Variants in CHD9 observed in about 807,000 individuals in gnomAD.
CHD9 encodes ATP-dependent chromatin remodeler CHD9.
A neutral mutation model predicts 316.1 loss-of-function variants in CHD9; 77 were observed. That is an observed-to-expected ratio of 0.24 (90% CI 0.20 to 0.29). The LOEUF is 0.29. CHD9 is among the 10% of genes least tolerant of loss of function. CHD9 has a pLI of 1.00. For missense variants in CHD9, 2,763 were observed against 3,438.1 expected (o/e 0.80, Z 4.91); for synonymous variants, 1,129 against 1,158.3 (o/e 0.97, Z 0.51).
At chr16:53,120,000 A>G (rs1382018885) in intron 1 of CHD9, among the ~76,000 whole-genome samples, 2 of 151,632 alleles carry the variant, frequency 1.3e-5, no homozygotes, top group Non-Finnish European at 2.9e-5. Flanking sequence ...CTGACGCAGG[A>G]GGGTTGCTTA....
chr16:53,262,516 A>G (rs2051244011), intron 19 of CHD9, among the ~76,000 whole-genome samples: 1 of 151,960 alleles, frequency 6.6e-6, no homozygotes, highest in Non-Finnish European at 1.5e-5. Flanking sequence ...ACAATGATTT[A>G]TTTTCCTTTA....
At chr16:53,322,344 AC>A (rs1226865343) in intron 38 of CHD9, among the ~76,000 whole-genome samples, 1 of 151,016 alleles carries the variant, frequency 6.6e-6, no homozygotes, top group Non-Finnish European at 1.5e-5. Context: ...GCAGTGGCTC[AC>A]CCCTGTAATC....
chr16:53,239,351 G>A (rs1462021114), intron 12 of CHD9, among the ~76,000 whole-genome samples: 5 of 152,062 alleles, frequency 3.3e-5, no homozygotes, highest in Non-Finnish European at 5.9e-5. Flanking sequence ...TTGGGAGGCC[G>A]AGGTGGGAGG....
chr16:53,159,553 G>A (rs1488828861), intron 2 of CHD9, among the ~76,000 whole-genome samples: 1 of 152,082 alleles, frequency 6.6e-6, no homozygotes. Flanking sequence ...TTAAAGCCTT[G>A]AAGTATTTGA....
intron 1 of CHD9, among the ~76,000 whole-genome samples, chr16:53,085,248 T>C (rs1202274158): frequency 6.6e-6 from 1 of 151,994 alleles, no homozygotes; most frequent in African/African-American, 2.4e-5. Context: ...TTTTTTTTTT[T>C]TATTTTTTTT....
rs142451411 is a variant in CHD9, at chr16:53,149,984, G to A, written c.-164-5942G>A. 4.4e-3 allele frequency among the ~76,000 whole-genome samples: 674 copies of A among 151,854 alleles called. 5 individuals are homozygous for A. Among genetic ancestry groups the A allele is most frequent in the African/African-American group, 0.015 (616 of 41,448 alleles). On this transcript the variant is annotated intron_variant, in intron 1 of 38. Transcript: ENST00000447540. ...TTGTTTTTTATCCTCCTGTGACTTT[G>A]TATTTAGAGGGAACCTCTTGTAAAC...
intron 18 of CHD9, 167 bp downstream of exon 18, chr16:53,254,772 CCTTTT>C (rs764618177): frequency 6.6e-6 from 3 of 457,084 alleles, no homozygotes; most frequent in Non-Finnish European, 1.1e-5. Context: ...ACTTTTGAAT[CCTTTT>C]CTTTCTGTGT....
chr16:53,161,045 G>A (rs1354170422), intron 2 of CHD9, among the ~76,000 whole-genome samples: 1 of 152,116 alleles, frequency 6.6e-6, no homozygotes, highest in Non-Finnish European at 1.5e-5. Context: ...TGATTGTGTT[G>A]CTCCACTTAC....
Position 53,314,471 on chromosome 16 carries a change from A to C in CHD9, c.7317A>C (p.Glu2439Asp), listed in dbSNP as rs1343852261. ...GGCGAGGAAGGAGGAAGAATGTAGA[A>C]GGTGTTGACATCTTCTTTTTTAACA... ...KKRRGRRKNV[E>D]GVDIFFFNRN... is the part of the protein sequence containing the mutation. The change falls in exon 35 of 39, where the codon GAA becomes GAC. Residue 2439 changes from glutamate (E) to aspartate (D), a missense_variant. Physicochemically the swap from Glu to Asp is conservative, Grantham distance 45. Around this residue, in one of 15 missense-constraint regions of CHD9, gnomAD observed 663 missense variants for 751.2 expected, o/e 0.88. Coordinates refer to ENST00000447540, the MANE Select transcript of CHD9 (RefSeq NM_001308319.2). 6.3e-7 allele frequency: 1 copy of C among 1,582,672 alleles called. No homozygotes were observed. The highest frequency in any genetic ancestry group is 1.8e-5 in the Admixed American group (1 of 55,404).
chr16:53,091,032 G>T (rs1429136308), intron 1 of CHD9, among the ~76,000 whole-genome samples: 3 of 151,740 alleles, frequency 2.0e-5, no homozygotes, highest in Admixed American at 2.0e-4. Context: ...GTGAGGCTCA[G>T]CTTCCTTCCT....
At chr16:53,293,362 C>A (rs2054512476) in intron 29 of CHD9, among the ~76,000 whole-genome samples, 1 of 152,174 alleles carries the variant, frequency 6.6e-6, no homozygotes, top group Non-Finnish European at 1.5e-5. Context: ...TGCCTATAAT[C>A]CCAGCACTTT....
At chr16:53,169,192 A>G (rs974156443) in intron 2 of CHD9, 2 of 152,318 alleles carry the variant, frequency 1.3e-5, no homozygotes, top group Non-Finnish European at 2.9e-5. Context: ...CCTGGGTGAC[A>G]GATGAGACCC....
intron 1 of CHD9, chr16:53,121,580 A>C (rs2038740274): frequency 5.3e-5 from 19 of 359,156 alleles, no homozygotes; most frequent in South Asian, 4.1e-4. Flanking sequence ...AAGTGGGCCT[A>C]CAAGTGAGAA....
chr16:53,324,827 G>T lies in CHD9; in HGVS notation c.8626G>T (p.Asp2876Tyr). The change falls in exon 39 of 39, where the codon GAT becomes TAT. Residue 2876 changes from aspartate to tyrosine, a missense_variant. Around this residue, in one of 15 missense-constraint regions of CHD9, gnomAD observed 298 missense variants for 380.2 expected, o/e 0.78. Transcript: ENST00000447540. ...NSTDEGSEKADASSGSDSTSS... is the reference protein window; with the variant it reads ...NSTDEGSEKAYASSGSDSTSS... ...CACAGATGAGGGTTCAGAGAAAGCT[G>T]ATGCTTCATCTGGATCTGATAGTAC... 7 of 1,612,398 alleles carry T rather than the reference G, an allele frequency of 4.3e-6. No homozygotes were observed. The highest frequency in any genetic ancestry group is 5.9e-6 in the Non-Finnish European group (7 of 1,179,216).
rs188323906 is a variant in CHD9 at position 53,164,142 on chromosome 16, C to T, written c.1452+6601C>T. On this transcript the variant is annotated intron_variant, in intron 2 of 38. Coordinates refer to ENST00000447540, the MANE Select transcript of CHD9 (RefSeq NM_001308319.2). ...TAATGTACTAAATGATTTCTTCCCT[C>T]TTCTGCCATTGAAAAATTAAAAACT... Among the ~76,000 whole-genome samples, 250 of 152,354 alleles carry T rather than the reference C, an allele frequency of 1.6e-3. 1 individual carries two copies. The highest frequency in any genetic ancestry group is 4.5e-3 in the African/African-American group (189 of 41,584).
intron 1 of CHD9, among the ~76,000 whole-genome samples, chr16:53,068,859 G>T (rs181058358): frequency 2.2e-4 from 34 of 152,292 alleles, no homozygotes; most frequent in Admixed American, 8.5e-4. Context: ...GCCTCTGTGG[G>T]CCGAACTTTG....
Position 53,156,246 on chromosome 16 carries a change from C to T in CHD9, c.157C>T (p.Leu53=), listed in dbSNP as rs1381668419. The T allele has an allele frequency of 9.9e-6, 16 of 1,613,848 alleles. No homozygotes were observed. The highest frequency in any genetic ancestry group is 1.3e-5 in the Non-Finnish European group (15 of 1,179,872). ...AEFEPLHIDS[L]NHVQGTPTHQ... The stretch of plus-strand genomic sequence containing the variant: ...ATTTGAACCGTTGCACATAGATTCA[C>T]TGAACCATGTTCAAGGTACTCCAAC... Residue 53 remains leucine, a synonymous_variant, in exon 2 of 39, where the codon CTG becomes TTG. Transcript: ENST00000447540.
chr16:53,136,796 T>G (rs1211382561), intron 1 of CHD9, among the ~76,000 whole-genome samples: 1 of 152,256 alleles, frequency 6.6e-6, no homozygotes, highest in East Asian at 1.9e-4. Flanking sequence ...CCTGAAAGCT[T>G]TCCTTATATT....
intron 2 of CHD9, among the ~76,000 whole-genome samples, chr16:53,184,871 G>T (rs2043850336): frequency 6.6e-6 from 1 of 152,108 alleles, no homozygotes; most frequent in South Asian, 2.1e-4. Context: ...TTTATAAGGG[G>T]CTTCCCCCTT....
Sources: gnomAD v4.1 joint callset for allele counts (sites outside exome capture counted in the v4.1 genomes callset) on GRCh38, gnomAD v4.1.1 for gene constraint, gnomAD v4.1.1 regional missense constraint, MANE v1.5 for transcripts, NCBI Gene and HGNC (gene_info 2026-07-23, HGNC 2026-07-21) for gene names.